Variants in TOM1L1 observed in about 807,000 individuals in gnomAD.
TOM1L1 encodes target of myb1 like 1 membrane trafficking protein.
Under a neutral mutation model 63.4 loss-of-function variants are expected in TOM1L1, and 64 were observed. That is an observed-to-expected ratio of 1.01 (90% CI 0.83 to 1.24). TOM1L1 has a LOEUF of 1.24. TOM1L1 is among the 50% of genes most tolerant of loss of function. TOM1L1 has a pLI of 0.00. For synonymous variants in TOM1L1, 166 were observed against 194.4 expected (o/e 0.85, Z 1.22); for missense variants, 536 against 567.0 (o/e 0.95, Z 0.55).
In TOM1L1 at chr17:54,956,066, C is replaced by G. The variant is rs976300262; in HGVS notation, c.1371-4500C>G. ...GTCAGGGCTCAACCCTGGGTCTCAT[C>G]TGGGGTACCAGACTTGTTACCCCTA... On this transcript the variant is annotated intron_variant, in intron 14 of 15. Transcript: ENST00000575882. Among the ~76,000 whole-genome samples, 3 of 152,196 alleles carry G rather than the reference C, an allele frequency of 2.0e-5. No homozygotes were observed. The South Asian group carries it at 6.2e-4, about 31-fold the overall frequency.
intron 7 of TOM1L1, among the ~76,000 whole-genome samples, chr17:54,926,414 T>C (rs910557775): frequency 2.0e-5 from 3 of 152,178 alleles, no homozygotes; most frequent in African/African-American, 7.2e-5. Flanking sequence ...CTTCCTCTTA[T>C]CTTGAATAGC....
chr17:54,955,831 G>C (rs984008911), intron 14 of TOM1L1, among the ~76,000 whole-genome samples: 3 of 152,194 alleles, frequency 2.0e-5, no homozygotes, highest in Non-Finnish European at 4.4e-5. Context: ...CTGCTTCAAA[G>C]CAGCACCGAG....
intron 7 of TOM1L1, among the ~76,000 whole-genome samples, chr17:54,918,504 C>G (rs1247417906): frequency 1.3e-5 from 2 of 152,108 alleles, no homozygotes; most frequent in African/African-American, 4.8e-5. Flanking sequence ...GAGGTAAGAG[C>G]TGACCTGTAC....
At chr17:54,902,290 GTTTTGT>G (rs907195632) in intron 1 of TOM1L1, among the ~76,000 whole-genome samples, 18 of 151,998 alleles carry the variant, frequency 1.2e-4, no homozygotes, top group African/African-American at 2.4e-4. Context: ...TGTTGTTGTT[GTTTTGT>G]TTTTGTTTTT....
At chr17:54,938,875 C>T in intron 10 of TOM1L1, 49 bp from the exon 11 acceptor site, 1 of 1,109,098 alleles carries the variant, frequency 9.0e-7, no homozygotes. Flanking sequence ...TCCAGCATAA[C>T]TGACTGACAA....
At chr17:54,914,019 C>T (rs1441941246) in intron 5 of TOM1L1, 146 bp downstream of exon 5, 12 of 945,634 alleles carry the variant, frequency 1.3e-5, no homozygotes, top group East Asian at 3.7e-5. Context: ...ATAGAATAAC[C>T]GAGACTTGGG....
Position 54,947,326 on chromosome 17 carries a change from C to T in TOM1L1, c.1182+14C>T. ...GCATATGATAATGTAAGTAACAAAACTCTTTTCTAGCAGTGCATCTAGTCA... is the reference window on the plus strand; with the variant it reads ...GCATATGATAATGTAAGTAACAAAATTCTTTTCTAGCAGTGCATCTAGTCA... On this transcript the variant is annotated intron_variant, in intron 12 of 15. Transcript: ENST00000575882. The T allele has an allele frequency of 6.2e-7, 1 of 1,613,782 alleles. No homozygotes were observed. Among genetic ancestry groups the T allele is most frequent in the Non-Finnish European group, 8.5e-7 (1 of 1,179,744 alleles).
intron 12 of TOM1L1, among the ~76,000 whole-genome samples, chr17:54,948,926 T>C (rs1214822290): frequency 6.6e-6 from 1 of 152,258 alleles, no homozygotes; most frequent in African/African-American, 2.4e-5. Flanking sequence ...ACAGAGAATC[T>C]GGCCTGAGCC....
chr17:54,903,557 A>T (rs1003202091), intron 1 of TOM1L1, 151 bp from the exon 2 acceptor site: 1 of 678,052 alleles, frequency 1.5e-6, no homozygotes, highest in African/African-American at 1.8e-5. Flanking sequence ...TGATTCCTGA[A>T]TTACTGAGAA....
chr17:54,919,164 A>G (rs1467924590), intron 7 of TOM1L1, among the ~76,000 whole-genome samples: 1 of 152,212 alleles, frequency 6.6e-6, no homozygotes, highest in Non-Finnish European at 1.5e-5. Flanking sequence ...CATTAAATAG[A>G]TTTCAAAGGT....
rs10694555 is a variant in TOM1L1 at position 54,943,441 on chromosome 17, GGTGTGTGT to G, written c.1131-3788_1131-3781del. 7.7e-4 allele frequency among the ~76,000 whole-genome samples: 103 copies of G among 134,440 alleles called. 1 individual carries two copies. The highest frequency in any genetic ancestry group is 2.1e-3 in the African/African-American group (73 of 35,222). 88.2% of individuals were successfully genotyped at this position (134,440 alleles called of 152,430 possible). A position where few individuals can be genotyped will look rare whatever the true frequency, so the allele number is the denominator to read the frequency against. On this transcript the variant is annotated intron_variant, in intron 11 of 15. Transcript: ENST00000575882. Reference sequence around the variant, plus strand: ...GATTTTGACTGTATCTTTGTATAATGGTGTGTGTGTGTGTGTGTGTGTGTGTGTGTGTG... The same window carrying G: ...GATTTTGACTGTATCTTTGTATAATGGTGTGTGTGTGTGTGTGTGTGTGTG...
intron 11 of TOM1L1, among the ~76,000 whole-genome samples, chr17:54,940,459 G>A (rs1191492058): frequency 2.6e-5 from 4 of 152,118 alleles, no homozygotes; most frequent in Admixed American, 2.6e-4. Flanking sequence ...TTATTTCTTT[G>A]AATCTGCAAT....
chr17:54,926,705 T>A (rs2048775204), intron 7 of TOM1L1, among the ~76,000 whole-genome samples: 1 of 152,198 alleles, frequency 6.6e-6, no homozygotes, highest in African/African-American at 2.4e-5. Context: ...TTCTTGTCTT[T>A]ACCATTCAGA....
chr17:54,905,810 A>G (rs1315885956), intron 3 of TOM1L1, among the ~76,000 whole-genome samples: 3 of 152,144 alleles, frequency 2.0e-5, no homozygotes, highest in Non-Finnish European at 4.4e-5. Flanking sequence ...TGAAAAATCA[A>G]TTTTTCTTGG....
chr17:54,924,405 G>A (rs1218318265), intron 7 of TOM1L1, among the ~76,000 whole-genome samples: 3 of 151,380 alleles, frequency 2.0e-5, no homozygotes, highest in African/African-American at 7.3e-5. Flanking sequence ...TCAGCCTCCC[G>A]AGTAGCTGGG....
chr17:54,932,974 T>C (rs570917601), intron 8 of TOM1L1, among the ~76,000 whole-genome samples: 1 of 152,320 alleles, frequency 6.6e-6, no homozygotes, highest in East Asian at 1.9e-4. Flanking sequence ...AACAGCTTGT[T>C]CTGACTGGGC....
chr17:54,933,761 T>G lies in TOM1L1; in HGVS notation c.855-2888T>G, dbSNP rs1248082169. Among the ~76,000 whole-genome samples the G allele has an allele frequency of 2.0e-5, 3 of 152,298 alleles. No homozygotes were observed. In the East Asian group the frequency reaches 5.8e-4, roughly 29 times the overall value. On this transcript the variant is annotated intron_variant, in intron 8 of 15. Coordinates refer to ENST00000575882, the MANE Select transcript of TOM1L1 (RefSeq NM_005486.3). ...TGGTCTCGATCTCTTGACCTCGTGA[T>G]CCACCCACCTCGGCCTCCCAAAGTG...
rs2077117793 is a variant in TOM1L1 at position 54,961,277 on chromosome 17, A to G, written c.*44A>G. 3 of 1,551,492 alleles carry G rather than the reference A, an allele frequency of 1.9e-6. No homozygotes were observed. The highest frequency in any genetic ancestry group is 2.4e-5 in the East Asian group (1 of 40,910). ...GCTCACTACCACATCAAAGGTGCCA[A>G]CTCTCTAAAACGTAGACTCTGTGCA... On this transcript the variant is annotated 3_prime_UTR_variant, in exon 16 of 16. Coordinates refer to ENST00000575882, the MANE Select transcript of TOM1L1 (RefSeq NM_005486.3).
At position 54,949,585 on chromosome 17, in the gene TOM1L1, C is replaced by T; in HGVS notation, c.1250C>T (p.Ser417Leu). The change falls in exon 13 of 16, where the codon TCA (serine) becomes TTA (leucine). Residue 417 changes from serine to leucine, a missense_variant. Transcript: ENST00000575882. ...CTACAAACCATTGCAGCAGCACCAT[C>T]AAACCAGAGTCTGCCACCTTTGCCC... ...VSLQTIAAAP[S>L]NQSLPPLPSN... 7 of 1,614,026 alleles carry T rather than the reference C, an allele frequency of 4.3e-6. No individual in the cohort carries two copies. Among genetic ancestry groups the T allele is most frequent in the Non-Finnish European group, 5.9e-6 (7 of 1,179,946 alleles).
Sources: allele counts gnomAD v4.1 joint callset (sites outside exome capture counted in the v4.1 genomes callset), GRCh38; gene constraint gnomAD v4.1.1; transcripts MANE v1.5; gene names NCBI Gene and HGNC (gene_info 2026-07-23, HGNC 2026-07-21).